NPHP4: variants seen among roughly 807,000 people sequenced by gnomAD.
NPHP4 encodes nephrocystin 4, also known as nephrocystin-4.
A neutral mutation model predicts 155.8 loss-of-function variants in NPHP4; 151 were observed. That is an observed-to-expected ratio of 0.97 (90% CI 0.85 to 1.11). The LOEUF is 1.11. Ranked by LOEUF, NPHP4 falls within the 50% of genes least tolerant of loss-of-function variation. The probability of loss-of-function intolerance (pLI) is 0.00; values close to 1 mark genes in which losing one functional copy is unlikely to be tolerated. For synonymous variants in NPHP4, 845 were observed against 816.8 expected, an observed-to-expected ratio of 1.03 and a Z score of -0.59; for missense variants, 1,956 against 1,925.7, an observed-to-expected ratio of 1.02 and a Z score of -0.29.
intron 2 of NPHP4, among the ~76,000 whole-genome samples, chr1:5,983,469 T>C (rs986494918): frequency 3.9e-5 from 6 of 152,206 alleles, no homozygotes; most frequent in African/African-American, 1.4e-4. Context: ...CTACACAACA[T>C]TTCACGTGTG....
At position 5,882,571 on chromosome 1, in the gene NPHP4, T is replaced by C. The variant is rs559243452; in HGVS notation, c.2486-2332A>G. 6.5e-6 allele frequency: 1 copy of C among 153,186 alleles called. No individual in the cohort carries two copies. Among genetic ancestry groups the C allele is most frequent in the African/African-American group, 2.4e-5 (1 of 41,584 alleles). The allele number at this position is 153,186 out of a possible 1,614,324, so 9.5% of individuals were successfully genotyped here. A position where few individuals can be genotyped will look rare whatever the true frequency, so the allele number is the denominator to read the frequency against. ...CATCCCCATAAAGACGCAGCCTCCA[T>C]GTCGCCCACATGCCCTACACTGTGC... On this transcript the variant is annotated intron_variant, in intron 18 of 29. Transcript: ENST00000378156. The surrounding 1 kb of genome is among the most constrained non-coding windows in gnomAD (Gnocchi z 5.1).
intron 9 of NPHP4, among the ~76,000 whole-genome samples, chr1:5,942,169 C>T (rs908095825): frequency 6.6e-6 from 1 of 152,150 alleles, no homozygotes; most frequent in Non-Finnish European, 1.5e-5. Context: ...CAGGAAGGCA[C>T]AACCTGACTC....
chr1:5,875,468 C>G (rs978433413), intron 20 of NPHP4, among the ~76,000 whole-genome samples: 4 of 152,218 alleles, frequency 2.6e-5, no homozygotes, highest in Admixed American at 2.6e-4. Flanking sequence ...GCCTCACCAG[C>G]CAGGTCCCCA....
chr1:5,867,944 G>A lies in NPHP4; in HGVS notation c.3316-48C>T, dbSNP rs768937988. 3 of 1,603,216 alleles carry A rather than the reference G, an allele frequency of 1.9e-6. No individual in the cohort carries two copies. The highest frequency in any genetic ancestry group is 2.6e-6 in the Non-Finnish European group (3 of 1,170,268). ...GTTGGGATGGGCACGAGGCTTGTGA[G>A]CAGCTTCTTGTCCCTCCTTAGACAG... On this transcript the variant is annotated intron_variant, in intron 23 of 29. Transcript: ENST00000378156. This position sits in a 1 kb window ranked among gnomAD's most constrained non-coding sequence, Gnocchi z 4.1.
At chr1:5,885,714 G>C (rs948403204) in intron 18 of NPHP4, among the ~76,000 whole-genome samples, 1 of 152,230 alleles carries the variant, frequency 6.6e-6, no homozygotes. Flanking sequence ...GTTCTGTCCC[G>C]TGCGGTAACC....
intron 5 of NPHP4, among the ~76,000 whole-genome samples, chr1:5,966,245 G>A (rs987915081): frequency 2.6e-5 from 4 of 152,022 alleles, no homozygotes; most frequent in African/African-American, 4.8e-5. Context: ...TGGGTTTGAC[G>A]TTTTGTTTTG....
chr1:5,977,109 C>A (rs569831999), intron 3 of NPHP4, among the ~76,000 whole-genome samples: 2 of 152,248 alleles, frequency 1.3e-5, no homozygotes, highest in South Asian at 4.1e-4. Flanking sequence ...TGCTCAGACA[C>A]CATCCCTCTC....
chr1:5,927,847 G>T, intron 10 of NPHP4, 60 bp from the exon 11 acceptor site: 1 of 1,540,542 alleles, frequency 6.5e-7, no homozygotes, highest in Non-Finnish European at 8.9e-7. Context: ...CTATCAGAAC[G>T]ATCCAACCAG....
intron 6 of NPHP4, among the ~76,000 whole-genome samples, chr1:5,954,924 A>G (rs1248834209): frequency 6.6e-6 from 1 of 152,208 alleles, no homozygotes; most frequent in Non-Finnish European, 1.5e-5. Context: ...TAAACAATTA[A>G]CCGAGTGAAG....
intron 11 of NPHP4, among the ~76,000 whole-genome samples, chr1:5,927,347 C>T (rs1041947525): frequency 3.3e-5 from 5 of 152,166 alleles, no homozygotes; most frequent in African/African-American, 9.7e-5. Flanking sequence ...CTCTAACTCT[C>T]GGGTCCCACA....
At chr1:5,918,637 G>A (rs961994510) in intron 11 of NPHP4, among the ~76,000 whole-genome samples, 1 of 152,188 alleles carries the variant, frequency 6.6e-6, no homozygotes, top group Admixed American at 6.5e-5. Flanking sequence ...ACCGAAAAAG[G>A]AAGAGTCCTC....
At chr1:5,959,304 C>T (rs1278316535) in intron 6 of NPHP4, among the ~76,000 whole-genome samples, 1 of 152,216 alleles carries the variant, frequency 6.6e-6, no homozygotes, top group African/African-American at 2.4e-5. Flanking sequence ...CCTGGAAGGC[C>T]GACTTGAGGC....
chr1:5,951,367 C>G (rs1648005880), intron 7 of NPHP4, among the ~76,000 whole-genome samples: 1 of 152,254 alleles, frequency 6.6e-6, no homozygotes, highest in Admixed American at 6.5e-5. Context: ...TGGCTCTCTG[C>G]AATTAAAGTT....
chr1:5,903,927 G>A (rs1029881393), intron 16 of NPHP4, among the ~76,000 whole-genome samples: 7 of 152,134 alleles, frequency 4.6e-5, no homozygotes, highest in African/African-American at 7.2e-5. Context: ...TGGCGCAAAC[G>A]TCACCTGCTA....
At chr1:5,879,518 C>T (rs1177048196) in intron 19 of NPHP4, 1 of 518,960 alleles carries the variant, frequency 1.9e-6, no homozygotes, top group South Asian at 1.4e-5. Context: ...GTCTATGTTC[C>T]TCCTGACCTT....
intron 3 of NPHP4, among the ~76,000 whole-genome samples, chr1:5,977,254 C>A (rs1040417743): frequency 6.6e-6 from 1 of 152,054 alleles, no homozygotes; most frequent in African/African-American, 2.4e-5. Context: ...GAAGGCACGA[C>A]GGGGCCACCC....
Position 5,865,133 on chromosome 1 carries a change from C to T in NPHP4, c.3785G>A (p.Arg1262Lys). 6.2e-7 allele frequency: 1 copy of T among 1,613,716 alleles called. No individual in the cohort carries two copies. Among genetic ancestry groups the T allele is most frequent in the Non-Finnish European group, 8.5e-7 (1 of 1,179,832 alleles). Residue 1262 changes from arginine to lysine, a missense_variant, in exon 27 of 30, where the codon AGA becomes AAA. Transcript: ENST00000378156. Reference protein sequence around the residue: ...LRGTQTVRKVRAFTSHPQELK... With the variant: ...LRGTQTVRKVKAFTSHPQELK... Reference sequence around the variant, plus strand: ...CTCCTGGGGATGAGAGGTGAAAGCTCTCACTTTCCTCACTGTCTGTGTCCC... The same window carrying T: ...CTCCTGGGGATGAGAGGTGAAAGCTTTCACTTTCCTCACTGTCTGTGTCCC...
rs556579725 is a variant in NPHP4 at position 5,947,105 on chromosome 1, T to C, written c.1118A>G (p.Asn373Ser). 1.7e-5 allele frequency: 28 copies of C among 1,613,972 alleles called. No individual in the cohort carries two copies. In the East Asian group the frequency reaches 3.8e-4, roughly 22 times the overall value. Reference sequence around the variant, plus strand: ...CGAGTGCAAAAGGGCTGTTCTTACATTGCCGTCCACTCCTGCAGGGCTGCT... The same window carrying C: ...CGAGTGCAAAAGGGCTGTTCTTACACTGCCGTCCACTCCTGCAGGGCTGCT... Reference protein sequence around the residue: ...VFSSPAGVDGNAASVTSLSNL... With the variant: ...VFSSPAGVDGSAASVTSLSNL... Residue 373 changes from asparagine (N) to serine (S), a missense_variant and splice_region_variant, in exon 9 of 30, where the codon AAT (asparagine) becomes AGT (serine). By Grantham distance (46) the Asn-to-Ser change is conservative (BLOSUM62 1). Coordinates refer to ENST00000378156, the MANE Select transcript of NPHP4 (RefSeq NM_015102.5).
Position 5,866,393 on chromosome 1 carries a change from G to T in NPHP4, c.3624C>A (p.Asp1208Glu). The change falls in exon 26 of 30, where the codon GAC becomes GAA. Residue 1208 changes from aspartate to glutamate, a missense_variant. Asp to Glu is a conservative substitution (Grantham distance 45). Transcript: ENST00000378156. The stretch of plus-strand genomic sequence containing the variant: ...CTTACGAGTAAATGATGACAAAGAA[G>T]TCTTTGATCTCCGGGCTTGGACCAC... ...VASGPSPEIK[D>E]FFVIIYSDRW... 1 of 1,608,442 alleles carries T rather than the reference G, an allele frequency of 6.2e-7. No homozygotes were observed. Among genetic ancestry groups the T allele is most frequent in the East Asian group, 2.2e-5 (1 of 44,740 alleles).
Sources: gnomAD v4.1 joint callset for allele counts (sites outside exome capture counted in the v4.1 genomes callset) on GRCh38, gnomAD v4.1.1 for gene constraint, Gnocchi (gnomAD v3.1) non-coding constraint, MANE v1.5 for transcripts, NCBI Gene and HGNC (gene_info 2026-07-23, HGNC 2026-07-21) for gene names.